Variants in CRIM1 observed in about 807,000 individuals in gnomAD.
The protein encoded by CRIM1 is cysteine-rich motor neuron 1 protein.
Under a neutral mutation model 116.4 loss-of-function variants are expected in CRIM1, and 32 were observed. The observed-to-expected ratio is 0.27, with a 90% CI of 0.21 to 0.37. The LOEUF (loss-of-function observed/expected upper bound fraction) is 0.37, where lower values mean the gene tolerates loss of function less well. CRIM1 is among the 10% of genes least tolerant of loss of function. The pLI, the probability that CRIM1 is intolerant of heterozygous loss-of-function variation, is 1.00. For missense variants in CRIM1, 1,331 were observed against 1,354.8 expected (o/e 0.98, Z 0.28); for synonymous variants, 590 against 509.2 (o/e 1.16, Z -2.13).
chr2:36,380,906 C>T (rs1043670932), intron 1 of CRIM1, among the ~76,000 whole-genome samples: 4 of 152,208 alleles, frequency 2.6e-5, no homozygotes, highest in Non-Finnish European at 1.5e-5. Context: ...GATATCTCGA[C>T]CATGTCTGCA....
intron 15 of CRIM1, among the ~76,000 whole-genome samples, chr2:36,544,755 GAAAT>G (rs915512491): frequency 1.7e-4 from 26 of 152,232 alleles, no homozygotes; most frequent in African/African-American, 6.3e-4. Context: ...GAAATAAATG[GAAAT>G]AAATATGTTC....
intron 11 of CRIM1, among the ~76,000 whole-genome samples, 199 bp downstream of exon 11, chr2:36,513,964 A>C (rs560373155): frequency 6.6e-6 from 1 of 152,240 alleles, no homozygotes; most frequent in Admixed American, 6.5e-5. Flanking sequence ...AGAAAATTCT[A>C]TCATTGTAGA....
rs187891103 is a variant in CRIM1, at chr2:36,423,197, T to A, written c.506-18061T>A. ...AGGCAGTTTGTTTTCAGAACTGATT[T>A]GAAGAATTTCAGCATACTATTTAAG... is the stretch of plus-strand genomic sequence containing the variant. On this transcript the variant is annotated intron_variant, in intron 2 of 16. Coordinates refer to ENST00000280527, the MANE Select transcript of CRIM1 (RefSeq NM_016441.3). Among the ~76,000 whole-genome samples the A allele has an allele frequency of 6.6e-5, 10 of 152,372 alleles. No individual in the cohort carries two copies. The East Asian group carries it at 1.9e-3, about 29-fold the overall frequency.
At chr2:36,382,782 A>G (rs1176911442) in intron 1 of CRIM1, among the ~76,000 whole-genome samples, 1 of 152,232 alleles carries the variant, frequency 6.6e-6, no homozygotes, top group Non-Finnish European at 1.5e-5. Context: ...AGTTCAAAGC[A>G]ATGGAATGAA....
chr2:36,364,590 T>C (rs1363474519), intron 1 of CRIM1, among the ~76,000 whole-genome samples: 1 of 152,164 alleles, frequency 6.6e-6, no homozygotes, highest in Non-Finnish European at 1.5e-5. Flanking sequence ...TCCTCCCTCC[T>C]TTTTTCCTGC....
chr2:36,367,293 CTG>C (rs759739117), intron 1 of CRIM1, among the ~76,000 whole-genome samples: 23 of 152,198 alleles, frequency 1.5e-4, no homozygotes, highest in Non-Finnish European at 2.9e-4. Flanking sequence ...TTAATCAAGA[CTG>C]TGACTGTATT....
intron 2 of CRIM1, among the ~76,000 whole-genome samples, chr2:36,431,620 A>G (rs867710768): frequency 4.6e-5 from 7 of 152,206 alleles, no homozygotes; most frequent in African/African-American, 7.2e-5. Flanking sequence ...TAAAAACTCT[A>G]TAGAGTGTTG....
At chr2:36,488,476 C>G (rs1679993967) in intron 7 of CRIM1, among the ~76,000 whole-genome samples, 1 of 152,130 alleles carries the variant, frequency 6.6e-6, no homozygotes, top group South Asian at 2.1e-4. Context: ...AGATCTTGGT[C>G]CAGGGGTCAT....
intron 9 of CRIM1, among the ~76,000 whole-genome samples, chr2:36,511,954 T>C (rs1320046983): frequency 6.6e-6 from 1 of 152,212 alleles, no homozygotes; most frequent in Non-Finnish European, 1.5e-5. Context: ...TTCACTTTCC[T>C]ATTCATGGAG....
chr2:36,427,065 G>A (rs537585107), intron 2 of CRIM1, among the ~76,000 whole-genome samples: 31 of 152,204 alleles, frequency 2.0e-4, no homozygotes, highest in Admixed American at 5.2e-4. Context: ...GCCGGGTGTA[G>A]TGGTGTGCGC....
chr2:36,517,502 C>A lies in CRIM1; in HGVS notation c.2166C>A (p.Asn722Lys). The A allele has an allele frequency of 6.2e-7, 1 of 1,614,180 alleles. No individual in the cohort carries two copies. Among genetic ancestry groups the A allele is most frequent in the Non-Finnish European group, 8.5e-7 (1 of 1,180,026 alleles). ...TGTGCCCACCGCTGCTCTGCCAGAA[C>A]CCCTCACGCACCCAGGATTCCTGCT... ...TEVCPPLLCQ[N>K]PSRTQDSCCP... The change falls in exon 12 of 17, where the codon AAC becomes AAA. Residue 722 changes from asparagine to lysine, a missense_variant. Around this residue, in one of 3 missense-constraint regions of CRIM1, gnomAD observed 358 missense variants for 436.1 expected, o/e 0.82. Transcript: ENST00000280527.
chr2:36,447,410 A>G (rs557166061), intron 4 of CRIM1, among the ~76,000 whole-genome samples: 2 of 152,312 alleles, frequency 1.3e-5, no homozygotes, highest in African/African-American at 2.4e-5. Flanking sequence ...CTGTGTAACA[A>G]CCGCCCCAAA....
intron 7 of CRIM1, among the ~76,000 whole-genome samples, chr2:36,486,806 A>G (rs1368452293): frequency 6.6e-6 from 1 of 152,218 alleles, no homozygotes; most frequent in Non-Finnish European, 1.5e-5. Flanking sequence ...AACTATGTGA[A>G]TGAAAAATAT....
At chr2:36,448,645 T>TATTAAGATGAATGAACTTACCAA in intron 4 of CRIM1, among the ~76,000 whole-genome samples, 1 of 43,198 alleles carries the variant, frequency 2.3e-5, no homozygotes, top group South Asian at 1.4e-3. Context: ...TGTACCTTTT[T>TATTAAGATGAATGAACTTACCAA]ATTATTGACA....
chr2:36,506,449 C>A (rs1681429698), intron 8 of CRIM1, among the ~76,000 whole-genome samples: 1 of 152,104 alleles, frequency 6.6e-6, no homozygotes, highest in Non-Finnish European at 1.5e-5. Context: ...GTATGCAGTA[C>A]TCCTCTAGGG....
intron 9 of CRIM1, 145 bp from the exon 10 acceptor site, chr2:36,512,127 AC>A: frequency 2.2e-6 from 2 of 893,190 alleles, no homozygotes; most frequent in Non-Finnish European, 1.7e-6. Context: ...GGAGCTAATT[AC>A]CCATCACTCC....
At chr2:36,544,055 A>C (rs903999564) in intron 14 of CRIM1, among the ~76,000 whole-genome samples, 1 of 152,234 alleles carries the variant, frequency 6.6e-6, no homozygotes, top group African/African-American at 2.4e-5. Context: ...AGCTGCTGGA[A>C]AGTAATAAAT....
chr2:36,544,631 C>T, intron 15 of CRIM1, 133 bp downstream of exon 15: 1 of 955,172 alleles, frequency 1.0e-6, no homozygotes, highest in African/African-American at 1.7e-5. Flanking sequence ...TATTCCCGGG[C>T]AGACCTGCTT....
chr2:36,472,310 A>G (rs888416576), intron 5 of CRIM1, among the ~76,000 whole-genome samples: 19 of 152,200 alleles, frequency 1.2e-4, no homozygotes, highest in Admixed American at 3.3e-4. Flanking sequence ...TTGCTCCTCA[A>G]AAACCACAGG....
Sources: allele counts gnomAD v4.1 joint callset (sites outside exome capture counted in the v4.1 genomes callset), GRCh38; gene constraint gnomAD v4.1.1; regional missense constraint gnomAD v4.1.1; transcripts MANE v1.5; gene names NCBI Gene and HGNC (gene_info 2026-07-23, HGNC 2026-07-21).